Variants in DEPDC4 observed in about 807,000 individuals in gnomAD.
DEPDC4 encodes the protein DEP domain containing 4, also known as DEP domain-containing protein 4.
In DEPDC4, 52 loss-of-function variants were observed where a neutral mutation model predicts 52.0. The ratio of observed to expected loss-of-function variants is 1.00; its 90% CI spans 0.80 to 1.26. The LOEUF is 1.26. Among genes scored for constraint, DEPDC4 ranks in the 50% most tolerant of loss-of-function variants. DEPDC4 has a pLI of 0.00. For synonymous variants in DEPDC4, 201 were observed against 196.8 expected (o/e 1.02, Z -0.18); for missense variants, 530 against 546.9 (o/e 0.97, Z 0.31).
the DEPDC4 span, among the ~76,000 whole-genome samples, chr12:100,276,795 A>C: frequency 6.6e-6 from 1 of 151,728 alleles, no homozygotes. Flanking sequence ...CTCCTCTTCT[A>C]CTTATTTTAA....
At chr12:100,270,187 C>G (rs531588808), upstream of DEPDC4, among the ~76,000 whole-genome samples, 5 of 152,120 alleles carry the variant, frequency 3.3e-5, no homozygotes, top group Non-Finnish European at 7.4e-5. Flanking sequence ...GGCGTTTCAC[C>G]GTGTTAGGCA....
rs1428648747 is a variant in DEPDC4, at chr12:100,240,078, T to A, written c.*1814A>T. Among the ~76,000 whole-genome samples the A allele has an allele frequency of 1.3e-5, 2 of 152,222 alleles. No homozygotes were observed. Among genetic ancestry groups the A allele is most frequent in the Non-Finnish European group, 2.9e-5 (2 of 68,028 alleles). ...CTGATGACATCTGTCTAATATAGTT[T>A]ATTTTTTCAAGAATTTAATTAATTA... On this transcript the variant is annotated 3_prime_UTR_variant, in exon 10 of 10. Transcript: ENST00000550587.
At chr12:100,266,349 C>T (rs2096273101) in intron 1 of DEPDC4, among the ~76,000 whole-genome samples, 1 of 152,112 alleles carries the variant, frequency 6.6e-6, no homozygotes. Flanking sequence ...ACATTGTGGG[C>T]AGAGCGGAGA....
the DEPDC4 span, among the ~76,000 whole-genome samples, chr12:100,275,611 A>C: frequency 1.3e-5 from 2 of 152,112 alleles, no homozygotes; most frequent in African/African-American, 4.8e-5. Context: ...CTGTGTATGC[A>C]GTTGTGTCAT....
intron 8 of DEPDC4, among the ~76,000 whole-genome samples, chr12:100,244,070 C>CCTCTCTCT (rs200666698): frequency 1.2e-5 from 1 of 84,120 alleles, no homozygotes; most frequent in Non-Finnish European, 2.4e-5. Flanking sequence ...GAGGTGTCTC[C>CCTCTCTCT]CTCTCTCTCT....
chr12:100,271,286 A>G (rs1398381568), upstream of DEPDC4, among the ~76,000 whole-genome samples: 1 of 145,022 alleles, frequency 6.9e-6, no homozygotes, highest in Non-Finnish European at 1.5e-5. Context: ...AAAAAAAGAG[A>G]GAGAGAATAT....
intron 2 of DEPDC4, among the ~76,000 whole-genome samples, chr12:100,263,284 A>G (rs1001780183): frequency 6.6e-6 from 1 of 152,248 alleles, no homozygotes; most frequent in Non-Finnish European, 1.5e-5. Flanking sequence ...GTTTTCTAGT[A>G]CATTCACAAA....
intron 9 of DEPDC4, among the ~76,000 whole-genome samples, 164 bp downstream of exon 9, chr12:100,242,322 G>GGCTTTT (rs2096162820): frequency 6.8e-6 from 1 of 146,124 alleles, no homozygotes; most frequent in Admixed American, 6.8e-5. Flanking sequence ...TTACTATGAG[G>GGCTTTT]GCTTTTTTTT....
chr12:100,266,421 G>A (rs2096273517), intron 1 of DEPDC4, among the ~76,000 whole-genome samples: 1 of 152,124 alleles, frequency 6.6e-6, no homozygotes, highest in South Asian at 2.1e-4. Flanking sequence ...CGACGGGGTA[G>A]GTGGAAAATA....
chr12:100,244,091 C>CTCTA (rs2096172627), intron 8 of DEPDC4, among the ~76,000 whole-genome samples: 3 of 34,990 alleles, frequency 8.6e-5, no homozygotes, highest in South Asian at 1.6e-3. Context: ...CTCTCTCTCT[C>CTCTA]TGTGTATATA....
At chr12:100,235,084 TACACATAC>T (rs2096139391), downstream of DEPDC4, among the ~76,000 whole-genome samples, 1 of 151,978 alleles carries the variant, frequency 6.6e-6, no homozygotes, top group Non-Finnish European at 1.5e-5. Context: ...TATATGTATA[TACACATAC>T]ATATACATAT....
At chr12:100,235,355 T>G (rs1458290596), downstream of DEPDC4, among the ~76,000 whole-genome samples, 1 of 108,604 alleles carries the variant, frequency 9.2e-6, no homozygotes, top group Non-Finnish European at 2.3e-5. Context: ...TTTAAGGTTT[T>G]TTTTTTTTTT....
At chr12:100,272,203 A>G in the DEPDC4 span, among the ~76,000 whole-genome samples, 11 of 152,346 alleles carry the variant, frequency 7.2e-5, no homozygotes, top group African/African-American at 2.2e-4. Flanking sequence ...ATGGTGTACA[A>G]TGAGAAATGC....
chr12:100,235,351 GTT>G (rs60398537), downstream of DEPDC4, among the ~76,000 whole-genome samples: 4,770 of 137,544 alleles, frequency 0.035, 93 homozygotes, highest in African/African-American at 0.066. Context: ...TTCTTTTAAG[GTT>G]TTTTTTTTTT....
intron 7 of DEPDC4, among the ~76,000 whole-genome samples, chr12:100,250,299 T>G (rs1200208937): frequency 6.6e-6 from 1 of 152,180 alleles, no homozygotes; most frequent in Non-Finnish European, 1.5e-5. Flanking sequence ...CACTGCAGCC[T>G]CCGCCTCCCG....
intron 8 of DEPDC4, among the ~76,000 whole-genome samples, chr12:100,242,936 C>T (rs187948554): frequency 6.6e-6 from 1 of 152,294 alleles, no homozygotes; most frequent in East Asian, 1.9e-4. Context: ...CAAGGAAATA[C>T]AGTAATTCAC....
At chr12:100,261,053 C>T (rs950497395) in intron 3 of DEPDC4, among the ~76,000 whole-genome samples, 1 of 151,756 alleles carries the variant, frequency 6.6e-6, no homozygotes, top group African/African-American at 2.4e-5. Context: ...TGGTGGCGGG[C>T]GCCTATAGTC....
intron 4 of DEPDC4, 157 bp downstream of exon 4, chr12:100,255,892 G>A: frequency 1.8e-6 from 1 of 543,680 alleles, no homozygotes; most frequent in East Asian, 3.0e-5. Context: ...ATGACCAATG[G>A]CTTTATTAGA....
Position 100,248,927 on chromosome 12 carries a change from G to A in DEPDC4, c.1426C>T (p.His476Tyr), listed in dbSNP as rs1045082774. Reference protein sequence around the residue: ...LVSKKLKKLLHGEDADAISGM... With the variant: ...LVSKKLKKLLYGEDADAISGM... ...GATATGGCATCTGCATCTTCTCCATGTAGAAGCTTCTTAAGTTTCTTACTA... is the reference window on the plus strand; with the variant it reads ...GATATGGCATCTGCATCTTCTCCATATAGAAGCTTCTTAAGTTTCTTACTA... The change falls in exon 8 of 10, where the codon CAT becomes TAT. Residue 476 changes from histidine (H) to tyrosine (Y), a missense_variant. Physicochemically the swap from His to Tyr is moderately conservative, Grantham distance 83 (BLOSUM62 2). Coordinates refer to ENST00000550587, the MANE Select transcript of DEPDC4 (RefSeq NM_001364818.2). The A allele has an allele frequency of 6.3e-5, 62 of 985,534 alleles. No individual in the cohort carries two copies. Among genetic ancestry groups the A allele is most frequent in the Non-Finnish European group, 7.1e-5 (59 of 829,770 alleles). The allele number at this position is 985,534 out of a possible 1,614,324, so 61.0% of individuals were successfully genotyped here. A position where few individuals can be genotyped will look rare whatever the true frequency, so the allele number is the denominator to read the frequency against.
Sources: gnomAD v4.1 joint callset for allele counts (sites outside exome capture counted in the v4.1 genomes callset) on GRCh38, gnomAD v4.1.1 for gene constraint, MANE v1.5 for transcripts, NCBI Gene and HGNC (gene_info 2026-07-23, HGNC 2026-07-21) for gene names.